DAO: variants seen among roughly 807,000 people sequenced by gnomAD.
DAO encodes D-amino acid oxidase.
DAO carries 51 observed loss-of-function variants against 50.1 expected under a neutral mutation model. The ratio of observed to expected loss-of-function variants is 1.02; its 90% CI spans 0.81 to 1.29. The LOEUF (loss-of-function observed/expected upper bound fraction) is 1.29, where lower values mean the gene tolerates loss of function less well. DAO is among the 50% of genes most tolerant of loss of function. DAO has a pLI of 0.00. For missense variants in DAO, 436 were observed against 439.4 expected (o/e 0.99, Z 0.07); for synonymous variants, 160 against 166.2 (o/e 0.96, Z 0.29).
At chr12:108,899,851 C>T in intron 10 of DAO, 1 of 338,450 alleles carries the variant, frequency 3.0e-6, no homozygotes, top group South Asian at 2.8e-5. Flanking sequence ...CTAACTGTCT[C>T]ATTGGCAATA....
At position 108,883,408 on chromosome 12, in the gene DAO, G is replaced by A. The variant is rs2039402358; in HGVS notation, c.-9-1590G>A. Among the ~76,000 whole-genome samples, 4 of 152,304 alleles carry A rather than the reference G, an allele frequency of 2.6e-5. No individual in the cohort carries two copies. The South Asian group carries it at 8.3e-4, about 32-fold the overall frequency. ...TGATCCACCCGCCTCGGCCTCCCGA[G>A]GTATTGGGATTACAGGCGTAAGCCA... On this transcript the variant is annotated intron_variant, in intron 1 of 10. Coordinates refer to ENST00000228476, the MANE Select transcript of DAO (RefSeq NM_001917.5).
Position 108,900,746 on chromosome 12 carries a change from G to T in DAO, c.*211G>T. ...ACTGAAATCCCTCTACCTTCTCTGGGTCTGGCATTATAAAGAACAGCTGAG... is the reference window on the plus strand; with the variant it reads ...ACTGAAATCCCTCTACCTTCTCTGGTTCTGGCATTATAAAGAACAGCTGAG... On this transcript the variant is annotated 3_prime_UTR_variant, in exon 11 of 11. Transcript: ENST00000228476. 1.9e-6 allele frequency: 1 copy of T among 521,634 alleles called. No homozygotes were observed. 32.3% of individuals were successfully genotyped at this position (521,634 alleles called of 1,614,324 possible). A position where few individuals can be genotyped will look rare whatever the true frequency, so the allele number is the denominator to read the frequency against.
intron 1 of DAO, among the ~76,000 whole-genome samples, chr12:108,884,477 G>A (rs2039412586): frequency 6.6e-6 from 1 of 152,224 alleles, no homozygotes; most frequent in Non-Finnish European, 1.5e-5. Context: ...CTCCACAAAT[G>A]TCAGTATATT....
chr12:108,900,319 C>T (rs1310318307), intron 10 of DAO, 85 bp from the exon 11 acceptor site: 1 of 1,560,810 alleles, frequency 6.4e-7, no homozygotes, highest in Non-Finnish European at 8.8e-7. Flanking sequence ...CGGGAGGCTC[C>T]TGAGTCTTCC....
intron 2 of DAO, among the ~76,000 whole-genome samples, chr12:108,886,736 G>GCC (rs2039439645): frequency 1.3e-5 from 2 of 152,168 alleles, no homozygotes; most frequent in African/African-American, 2.4e-5. Context: ...GAAGAGCTGG[G>GCC]ATTATAGGCA....
intron 1 of DAO, chr12:108,883,739 C>T (rs1040890751): frequency 3.8e-5 from 16 of 417,876 alleles, no homozygotes; most frequent in Middle Eastern, 3.5e-4. Flanking sequence ...TATCCAAGCT[C>T]GGGCTCGAAG....
Position 108,885,128 on chromosome 12 carries a change from C to A in DAO, c.122C>A (p.Pro41Gln). The A allele has an allele frequency of 6.2e-7, 1 of 1,613,276 alleles. No individual in the cohort carries two copies. Among genetic ancestry groups the A allele is most frequent in the Non-Finnish European group, 8.5e-7 (1 of 1,179,316 alleles). ...DIKVYADRFTPLTTTDVAAGL... is the reference protein window; with the variant it reads ...DIKVYADRFTQLTTTDVAAGL... ...AAGGTCTACGCGGACCGCTTCACCC[C>A]ACTCACCACCACCGACGTGGCTGCC... Residue 41 changes from proline to glutamine, a missense_variant, in exon 2 of 11, where the codon CCA (proline) becomes CAA (glutamine). Transcript: ENST00000228476.
At position 108,894,348 on chromosome 12, in the gene DAO, G is replaced by T; in HGVS notation, c.593G>T (p.Gly198Val). The T allele has an allele frequency of 6.2e-7, 1 of 1,613,842 alleles. No individual in the cohort carries two copies. Among genetic ancestry groups the T allele is most frequent in the Non-Finnish European group, 8.5e-7 (1 of 1,179,858 alleles). ...ALQRDPLLQPGRGQIMKVDAP... is the reference protein window; with the variant it reads ...ALQRDPLLQPVRGQIMKVDAP... Reference sequence around the variant, plus strand: ...CAACGAGACCCCCTGCTGCAGCCAGGCCGGGGGCAGATCATGAAGGTGAGT... The same window carrying T: ...CAACGAGACCCCCTGCTGCAGCCAGTCCGGGGGCAGATCATGAAGGTGAGT... The change falls in exon 7 of 11, where the codon GGC becomes GTC. Residue 198 changes from glycine (G) to valine (V), a missense_variant. Gly to Val is a moderately radical substitution (Grantham distance 109, BLOSUM62 -3). Transcript: ENST00000228476.
chr12:108,889,449 C>A lies in DAO; in HGVS notation c.310-20C>A. ...TTGACTTCCATCCCACCCAGTGCCC[C>A]CTTTGTCCTTCCTCTTCAGGACCCT... On this transcript the variant is annotated intron_variant, in intron 3 of 10. Transcript: ENST00000228476. 3.1e-6 allele frequency: 5 copies of A among 1,592,018 alleles called. No individual in the cohort carries two copies. Among genetic ancestry groups the A allele is most frequent in the Non-Finnish European group, 4.3e-6 (5 of 1,161,808 alleles).
At chr12:108,889,663 G>T in intron 4 of DAO, 118 bp downstream of exon 4, 1 of 774,844 alleles carries the variant, frequency 1.3e-6, no homozygotes, top group Non-Finnish European at 2.3e-6. Flanking sequence ...CTGGTACCCT[G>T]GTCTCCTGGT....
In DAO at chr12:108,893,030, T is replaced by C. The variant is rs2039508763; in HGVS notation, c.501T>C (p.Phe167=). 3.7e-6 allele frequency: 6 copies of C among 1,613,712 alleles called. No homozygotes were observed. The highest frequency in any genetic ancestry group is 4.2e-6 in the Non-Finnish European group (5 of 1,179,890). Residue 167 remains phenylalanine, a synonymous_variant, in exon 6 of 11, where the codon TTT becomes TTC. Transcript: ENST00000228476. ...TCTTCCAGCGGAAAGTGGAGTCTTT[T>C]GAGGAGGTGAGTTGCAGGGCTGATG... is the stretch of plus-strand genomic sequence containing the variant. ...VKFFQRKVES[F]EEVAREGADV...
At chr12:108,889,352 C>T in intron 3 of DAO, 117 bp from the exon 4 acceptor site, 1 of 677,790 alleles carries the variant, frequency 1.5e-6, no homozygotes. Context: ...TCAGGTGATC[C>T]ACCCATCTCA....
chr12:108,892,575 G>A (rs946684726), intron 5 of DAO, among the ~76,000 whole-genome samples: 1 of 152,140 alleles, frequency 6.6e-6, no homozygotes, highest in African/African-American at 2.4e-5. Flanking sequence ...CTGACAAAGG[G>A]GAATTTGGCA....
intron 5 of DAO, among the ~76,000 whole-genome samples, chr12:108,891,800 A>G (rs990465593): frequency 6.6e-6 from 1 of 152,074 alleles, no homozygotes; most frequent in Non-Finnish European, 1.5e-5. Context: ...GGGTCTCACT[A>G]TGTTGCCCAG....
At chr12:108,883,182 T>C (rs1297074592) in intron 1 of DAO, among the ~76,000 whole-genome samples, 1 of 152,034 alleles carries the variant, frequency 6.6e-6, no homozygotes, top group Non-Finnish European at 1.5e-5. Flanking sequence ...AATTTCGCTC[T>C]GTTGCCCAGA....
At chr12:108,887,221 G>A (rs551634612) in intron 2 of DAO, among the ~76,000 whole-genome samples, 73 of 152,212 alleles carry the variant, frequency 4.8e-4, no homozygotes, top group African/African-American at 1.6e-3. Flanking sequence ...GTTATGATGG[G>A]GCATCCTTCA....
At chr12:108,888,769 C>T (rs1308190734) in intron 3 of DAO, among the ~76,000 whole-genome samples, 2 of 152,296 alleles carry the variant, frequency 1.3e-5, no homozygotes. Context: ...CTCTCATCCC[C>T]GGGGACTCTC....
intron 7 of DAO, among the ~76,000 whole-genome samples, chr12:108,895,692 G>A (rs9669254): frequency 0.33 from 48,031 of 146,440 alleles, 8,662 homozygotes; most frequent in Admixed American, 0.48. Context: ...GGGTGTGTGT[G>A]CATGCATGTG....
intron 1 of DAO, among the ~76,000 whole-genome samples, chr12:108,883,177 C>T (rs1225275176): frequency 2.0e-5 from 3 of 151,264 alleles, no homozygotes; most frequent in Non-Finnish European, 4.4e-5. Flanking sequence ...GGCAGAATTT[C>T]GCTCTGTTGC....
Sources: allele counts gnomAD v4.1 joint callset (sites outside exome capture counted in the v4.1 genomes callset), GRCh38; gene constraint gnomAD v4.1.1; transcripts MANE v1.5; gene names NCBI Gene and HGNC (gene_info 2026-07-23, HGNC 2026-07-21).